Variants in STK38L observed in about 807,000 individuals in gnomAD.
STK38L encodes serine/threonine kinase 38 like.
STK38L carries 28 observed loss-of-function variants against 59.7 expected under a neutral mutation model. That is an observed-to-expected ratio of 0.47 (90% confidence interval 0.35 to 0.64). STK38L has a LOEUF of 0.64. Among genes scored for constraint, STK38L ranks in the 30% least tolerant of loss-of-function variants. The probability of loss-of-function intolerance (pLI) is 0.01; values close to 1 mark genes in which losing one functional copy is unlikely to be tolerated. For synonymous variants in STK38L, 162 were observed against 176.8 expected, an observed-to-expected ratio of 0.92 and a Z score of 0.66; for missense variants, 314 against 555.8, an observed-to-expected ratio of 0.56 and a Z score of 4.37.
rs1186879399 is a variant in STK38L at position 27,281,295 on chromosome 12, C to T, written c.-11-16415C>T. 1.0e-3 allele frequency among the ~76,000 whole-genome samples: 6 copies of T among 5,726 alleles called. 3 individuals are homozygous for T. The highest frequency in any genetic ancestry group is 7.2e-3 in the South Asian group (2 of 276). 3.8% of individuals were successfully genotyped at this position (5,726 alleles called of 152,430 possible). ...AGAGACGGGGTTTCACCGTTTTAGC[C>T]GGGATGGTCTCGATCTCCTGACCTC... is the stretch of plus-strand genomic sequence containing the variant. On this transcript the variant is annotated intron_variant, in intron 1 of 13. Transcript: ENST00000389032.
At chr12:27,293,915 T>A (rs1371757294) in intron 1 of STK38L, among the ~76,000 whole-genome samples, 1 of 152,264 alleles carries the variant, frequency 6.6e-6, no homozygotes, top group African/African-American at 2.4e-5. Context: ...AACCACTTTA[T>A]AAATTTTTAT....
intron 1 of STK38L, among the ~76,000 whole-genome samples, chr12:27,264,247 G>A (rs886442081): frequency 1.3e-5 from 2 of 152,140 alleles, no homozygotes; most frequent in Admixed American, 6.5e-5. Context: ...GGGAGAGAAT[G>A]GCATCAGGAA....
chr12:27,278,634 C>T (rs957845036), intron 1 of STK38L, among the ~76,000 whole-genome samples: 3 of 152,108 alleles, frequency 2.0e-5, no homozygotes, highest in Admixed American at 6.5e-5. Flanking sequence ...CCCTGAAAGC[C>T]TAAGTGTCTT....
At chr12:27,272,348 A>G (rs1283801012) in intron 1 of STK38L, among the ~76,000 whole-genome samples, 1 of 152,210 alleles carries the variant, frequency 6.6e-6, no homozygotes, top group Admixed American at 6.5e-5. Flanking sequence ...GCTGTATGGT[A>G]TTATGCTGAT....
chr12:27,275,079 G>C (rs1591875543), intron 1 of STK38L, among the ~76,000 whole-genome samples: 3 of 151,952 alleles, frequency 2.0e-5, no homozygotes, highest in African/African-American at 7.3e-5. Context: ...CTTTTAAATG[G>C]CTTCCTTACC....
intron 1 of STK38L, among the ~76,000 whole-genome samples, chr12:27,246,045 AATAAG>A (rs1438721161): frequency 2.0e-5 from 3 of 152,242 alleles, no homozygotes; most frequent in African/African-American, 7.2e-5. Flanking sequence ...TTTGTTTTAA[AATAAG>A]TCAAAGAATG....
At chr12:27,302,771 A>T (rs975186095) in intron 3 of STK38L, among the ~76,000 whole-genome samples, 1 of 152,188 alleles carries the variant, frequency 6.6e-6, no homozygotes. Context: ...CTGTAATCCC[A>T]GCACTTTGGG....
intron 1 of STK38L, among the ~76,000 whole-genome samples, chr12:27,282,377 G>A (rs1943679100): frequency 6.6e-6 from 1 of 152,116 alleles, no homozygotes; most frequent in Non-Finnish European, 1.5e-5. Flanking sequence ...TAGTTACATT[G>A]TTCAATTATA....
At chr12:27,270,570 G>T (rs1374170529) in intron 1 of STK38L, among the ~76,000 whole-genome samples, 1 of 152,038 alleles carries the variant, frequency 6.6e-6, no homozygotes, top group Non-Finnish European at 1.5e-5. Flanking sequence ...TAGAGATGGG[G>T]TTTCACCATG....
intron 5 of STK38L, among the ~76,000 whole-genome samples, chr12:27,312,029 GC>G (rs1015048446): frequency 2.0e-5 from 3 of 152,114 alleles, no homozygotes; most frequent in Admixed American, 6.5e-5. Flanking sequence ...ACTGGTGTGT[GC>G]CACCATGCCT....
intron 1 of STK38L, among the ~76,000 whole-genome samples, chr12:27,249,225 C>A (rs574020135): frequency 1.3e-5 from 2 of 152,336 alleles, no homozygotes; most frequent in Admixed American, 1.3e-4. Flanking sequence ...AGTTACAGGT[C>A]ATGTGGTGAC....
At chr12:27,253,358 C>T (rs150656376) in intron 1 of STK38L, among the ~76,000 whole-genome samples, 5 of 152,180 alleles carry the variant, frequency 3.3e-5, no homozygotes, top group Admixed American at 6.5e-5. Context: ...ATGGGAAGAC[C>T]AGTGAAGAGA....
chr12:27,266,125 T>G (rs939678999), intron 1 of STK38L, among the ~76,000 whole-genome samples: 3 of 152,194 alleles, frequency 2.0e-5, no homozygotes, highest in Non-Finnish European at 4.4e-5. Context: ...TGTGTCAGAC[T>G]TTTTTCTTAA....
intron 9 of STK38L, among the ~76,000 whole-genome samples, chr12:27,315,860 AAT>A (rs1268632537): frequency 6.6e-6 from 1 of 152,182 alleles, no homozygotes; most frequent in Non-Finnish European, 1.5e-5. Context: ...TTACTCCTTT[AAT>A]ATAGAATTAC....
At chr12:27,268,517 G>A (rs9737594) in intron 1 of STK38L, among the ~76,000 whole-genome samples, 1,560 of 152,142 alleles carry the variant, frequency 0.01, 11 homozygotes, top group Non-Finnish European at 0.016. Context: ...CCAGTCTATC[G>A]TTGTTGGACA....
intron 1 of STK38L, among the ~76,000 whole-genome samples, chr12:27,290,019 G>A (rs1214191028): frequency 2.0e-5 from 3 of 152,192 alleles, no homozygotes; most frequent in African/African-American, 7.2e-5. Context: ...CAGGAGGGAT[G>A]AGCAGGAAGA....
At chr12:27,290,712 C>T (rs781741178) in intron 1 of STK38L, among the ~76,000 whole-genome samples, 5 of 152,056 alleles carry the variant, frequency 3.3e-5, no homozygotes, top group Admixed American at 6.6e-5. Context: ...AGTCTGGGCA[C>T]GTGGGAATGG....
intron 2 of STK38L, among the ~76,000 whole-genome samples, chr12:27,299,754 G>A (rs1944117909): frequency 6.6e-6 from 1 of 151,682 alleles, no homozygotes; most frequent in South Asian, 2.1e-4. Flanking sequence ...AATAGAGTTT[G>A]TAATTTCCAG....
Position 27,308,179 on chromosome 12 carries a change from T to C in STK38L, c.187-160T>C, listed in dbSNP as rs1944361480. Among the ~76,000 whole-genome samples the C allele has an allele frequency of 6.6e-6, 1 of 152,076 alleles. No homozygotes were observed. Among genetic ancestry groups the C allele is most frequent in the African/African-American group, 2.4e-5 (1 of 41,434 alleles). ...TCAAAAGTAAAGATTTATCAGTTGT[T>C]AAAAATTTTAGAAAGTTTTCTTTAA... On this transcript the variant is annotated intron_variant, in intron 3 of 13. Transcript: ENST00000389032. The surrounding 1 kb of genome is among the most constrained non-coding windows in gnomAD (Gnocchi z 4.5).
Sources: allele counts gnomAD v4.1 joint callset (sites outside exome capture counted in the v4.1 genomes callset), GRCh38; gene constraint gnomAD v4.1.1; non-coding constraint Gnocchi (gnomAD v3.1); transcripts MANE v1.5; gene names NCBI Gene and HGNC (gene_info 2026-07-23, HGNC 2026-07-21).